TMEM132C: variants seen among roughly 807,000 people sequenced by gnomAD.
TMEM132C encodes protein phosphatase 1, regulatory subunit 152.
In TMEM132C, 29 loss-of-function variants were observed where a neutral mutation model predicts 61.4. The observed-to-expected ratio is 0.47, with a 90% CI of 0.35 to 0.64. The LOEUF (loss-of-function observed/expected upper bound fraction) is 0.64. Ranked by LOEUF, TMEM132C falls within the 30% of genes least tolerant of loss-of-function variation. The pLI is 0.00. For synonymous variants in TMEM132C, 656 were observed against 633.1 expected, an observed-to-expected ratio of 1.04 and a Z score of -0.54; for missense variants, 1,408 against 1,476.9, an observed-to-expected ratio of 0.95 and a Z score of 0.76.
intron 3 of TMEM132C, among the ~76,000 whole-genome samples, chr12:128,590,076 G>T (rs141171116): frequency 6.6e-6 from 1 of 152,320 alleles, no homozygotes; most frequent in Non-Finnish European, 1.5e-5. Flanking sequence ...GGATATGGAG[G>T]CTTTGGGAGA....
chr12:128,613,801 T>C (rs909583707), intron 3 of TMEM132C, among the ~76,000 whole-genome samples: 1 of 152,210 alleles, frequency 6.6e-6, no homozygotes, highest in African/African-American at 2.4e-5. Context: ...AATCAAGCCC[T>C]GAAGATGGAA....
intron 8 of TMEM132C, 124 bp from the exon 9 acceptor site, chr12:128,704,966 G>C (rs1226912924): frequency 9.5e-7 from 1 of 1,051,322 alleles, no homozygotes; most frequent in African/African-American, 1.6e-5. Context: ...CTCCCCAGAT[G>C]CATGAGCTAC....
At chr12:128,610,061 A>T (rs1876579064) in intron 3 of TMEM132C, among the ~76,000 whole-genome samples, 1 of 152,224 alleles carries the variant, frequency 6.6e-6, no homozygotes, top group African/African-American at 2.4e-5. Flanking sequence ...CCATGGAGAG[A>T]TCCCAGAAAG....
Position 128,415,382 on chromosome 12 carries a change from T to A in TMEM132C, c.736T>A (p.Phe246Ile), listed in dbSNP as rs1456869651. 2 of 1,552,132 alleles carry A rather than the reference T, an allele frequency of 1.3e-6. No homozygotes were observed. The highest frequency in any genetic ancestry group is 2.4e-5 in the South Asian group (2 of 84,116). The change falls in exon 2 of 9, where the codon TTC (phenylalanine) becomes ATC (isoleucine). Residue 246 changes from phenylalanine (F) to isoleucine (I), a missense_variant. Phe to Ile is a conservative substitution (Grantham distance 21). Coordinates refer to ENST00000435159, the MANE Select transcript of TMEM132C (RefSeq NM_001136103.3). The surrounding 1 kb of genome is among the most constrained non-coding windows in gnomAD (Gnocchi z 5.8). Reference protein sequence around the residue: ...NERGDCAGGDFRKGNAIRPGK... With the variant: ...NERGDCAGGDIRKGNAIRPGK... ...GCGAGGGGACTGTGCCGGGGGTGAC[T>A]TCAGGAAGGGCAACGCCATCCGTCC...
At position 128,675,894 on chromosome 12, in the gene TMEM132C, T is replaced by C. The variant is rs184472098; in HGVS notation, c.1449+6334T>C. 2.3e-3 allele frequency among the ~76,000 whole-genome samples: 352 copies of C among 151,904 alleles called. 2 individuals are homozygous for C. The highest frequency in any genetic ancestry group is 3.9e-3 in the Non-Finnish European group (266 of 67,944). On this transcript the variant is annotated intron_variant, in intron 5 of 8. Transcript: ENST00000435159. ...ATAGATAGATAGATAAATAGATAGA[T>C]AGATAGATTTGTTGCTGAACCACTT...
At chr12:128,338,181 C>T (rs1872842281) in intron 1 of TMEM132C, among the ~76,000 whole-genome samples, 1 of 151,970 alleles carries the variant, frequency 6.6e-6, no homozygotes, top group African/African-American at 2.4e-5. Flanking sequence ...AAAGTTGTCT[C>T]TTTAATAGGT....
chr12:128,475,105 A>G (rs1555226396), intron 2 of TMEM132C, among the ~76,000 whole-genome samples: 3 of 152,148 alleles, frequency 2.0e-5, no homozygotes, highest in Non-Finnish European at 2.9e-5. Context: ...GGGGCACAGC[A>G]GGGCTTCAAC....
chr12:128,635,446 A>G (rs1189128752), intron 4 of TMEM132C, among the ~76,000 whole-genome samples: 1 of 149,238 alleles, frequency 6.7e-6, no homozygotes, highest in African/African-American at 2.5e-5. Context: ...GAATAGCTAG[A>G]TGAAATGAGT....
At chr12:128,351,198 A>G (rs543758286) in intron 1 of TMEM132C, among the ~76,000 whole-genome samples, 32 of 152,232 alleles carry the variant, frequency 2.1e-4, no homozygotes, top group Middle Eastern at 3.4e-3. Context: ...GCTGTTGAAG[A>G]GTCTGGGGCC....
chr12:128,453,180 A>G (rs1017213458), intron 2 of TMEM132C, among the ~76,000 whole-genome samples: 65 of 152,318 alleles, frequency 4.3e-4, no homozygotes, highest in African/African-American at 1.5e-3. Context: ...CTAGTGCTGC[A>G]TAGCAGCCAC....
At chr12:128,324,922 A>G (rs944972791) in intron 1 of TMEM132C, among the ~76,000 whole-genome samples, 1 of 152,256 alleles carries the variant, frequency 6.6e-6, no homozygotes, top group African/African-American at 2.4e-5. Flanking sequence ...ACATTCAATT[A>G]CATTAATGAA....
intron 1 of TMEM132C, among the ~76,000 whole-genome samples, chr12:128,358,909 G>A (rs1323343741): frequency 6.6e-6 from 1 of 152,080 alleles, no homozygotes; most frequent in Non-Finnish European, 1.5e-5. Context: ...GCTCACCCTG[G>A]TACCAGTCAC....
At chr12:128,624,213 A>G (rs1041889637) in intron 4 of TMEM132C, among the ~76,000 whole-genome samples, 2 of 152,086 alleles carry the variant, frequency 1.3e-5, no homozygotes, top group Non-Finnish European at 2.9e-5. Context: ...ACCTTGGGCA[A>G]GTGATTTGAC....
chr12:128,575,478 CAAAAAGAAAAA>C (rs1875059136), intron 3 of TMEM132C, among the ~76,000 whole-genome samples: 1 of 133,954 alleles, frequency 7.5e-6, no homozygotes, highest in East Asian at 2.1e-4. Flanking sequence ...GACTCCGTCT[CAAAAAGAAAAA>C]AAAAAGAAAA....
At chr12:128,355,722 T>C (rs887404964) in intron 1 of TMEM132C, among the ~76,000 whole-genome samples, 1 of 152,118 alleles carries the variant, frequency 6.6e-6, no homozygotes, top group African/African-American at 2.4e-5. Context: ...TTGCTGTCCC[T>C]TAGACGCTCA....
intron 2 of TMEM132C, among the ~76,000 whole-genome samples, chr12:128,443,953 C>T (rs1869882936): frequency 6.6e-6 from 1 of 152,290 alleles, no homozygotes; most frequent in East Asian, 1.9e-4. Context: ...GCTGGAATCT[C>T]ACTGTTTCAC....
chr12:128,302,718 A>C (rs1337541750), intron 1 of TMEM132C, among the ~76,000 whole-genome samples: 1 of 152,232 alleles, frequency 6.6e-6, no homozygotes, highest in Non-Finnish European at 1.5e-5. Context: ...AGGGTTAATA[A>C]AACATATCTA....
At chr12:128,506,414 A>G (rs540422492) in intron 2 of TMEM132C, among the ~76,000 whole-genome samples, 7 of 152,210 alleles carry the variant, frequency 4.6e-5, no homozygotes, top group Non-Finnish European at 1.0e-4. Context: ...GTTCTAGACC[A>G]AAGATGTGGA....
At chr12:128,340,931 TC>T (rs1593017344) in intron 1 of TMEM132C, among the ~76,000 whole-genome samples, 1 of 147,736 alleles carries the variant, frequency 6.8e-6, no homozygotes, top group East Asian at 2.0e-4. Flanking sequence ...TCTCTCTCTC[TC>T]TCTCTCTCTC....
Sources: allele counts gnomAD v4.1 joint callset (sites outside exome capture counted in the v4.1 genomes callset), GRCh38; gene constraint gnomAD v4.1.1; non-coding constraint Gnocchi (gnomAD v3.1); transcripts MANE v1.5; gene names NCBI Gene and HGNC (gene_info 2026-07-23, HGNC 2026-07-21).